NUDT3: variants seen among roughly 807,000 people sequenced by gnomAD.
NUDT3 encodes the protein nudix hydrolase 3, also known as diphosphoinositol polyphosphate phosphohydrolase 1.
In NUDT3, 9 loss-of-function variants were observed where a neutral mutation model predicts 23.6. The observed-to-expected ratio is 0.38, with a 90% CI of 0.23 to 0.66. The LOEUF is 0.66. Among genes scored for constraint, NUDT3 ranks in the 30% least tolerant of loss-of-function variants. The pLI is 0.52. For missense variants in NUDT3, 172 were observed against 218.5 expected, an observed-to-expected ratio of 0.79 and a Z score of 1.34; for synonymous variants, 86 against 82.6, an observed-to-expected ratio of 1.04 and a Z score of -0.22.
chr6:34,297,715 ATG>A (rs1763523422), intron 2 of NUDT3, among the ~76,000 whole-genome samples: 2 of 95,856 alleles, frequency 2.1e-5, no homozygotes, highest in African/African-American at 4.2e-5. Context: ...CACCCGGCTA[ATG>A]TAAAAAAAAA....
chr6:34,320,024 G>A (rs1416845781), intron 2 of NUDT3, among the ~76,000 whole-genome samples: 2 of 152,122 alleles, frequency 1.3e-5, no homozygotes, highest in Non-Finnish European at 2.9e-5. Flanking sequence ...TATCACAACA[G>A]TAAAGAGAAA....
intron 2 of NUDT3, among the ~76,000 whole-genome samples, chr6:34,299,529 A>T (rs1380273027): frequency 6.6e-6 from 1 of 151,368 alleles, no homozygotes; most frequent in Non-Finnish European, 1.5e-5. Context: ...GGCTCAAGTG[A>T]TCCTCCTGTC....
chr6:34,293,362 C>T (rs955058264), intron 4 of NUDT3, 89 bp downstream of exon 4: 100 of 1,488,072 alleles, frequency 6.7e-5, no homozygotes, highest in Non-Finnish European at 8.9e-5. Context: ...GAGCCTGGTA[C>T]GCTCTTGTTT....
chr6:34,306,627 C>A (rs759058233), intron 2 of NUDT3, among the ~76,000 whole-genome samples: 5 of 152,212 alleles, frequency 3.3e-5, no homozygotes, highest in African/African-American at 4.8e-5. Context: ...GGCTCCTGTC[C>A]CAGTAATTCC....
In NUDT3 at chr6:34,284,557, TGAG is replaced by T. The variant is rs1266352045; in HGVS notation, c.*4193_*4195del. On this transcript the variant is annotated 3_prime_UTR_variant, in exon 5 of 5. Coordinates refer to ENST00000607016, the MANE Select transcript of NUDT3 (RefSeq NM_006703.4). ...GTTTTTTTTTTTTTTTTTTTAAAGA[TGAG>T]GATGCGGACTCCAACAAAGGCATTA... is the stretch of plus-strand genomic sequence containing the variant. The T allele has an allele frequency of 6.9e-5, 10 of 144,216 alleles. No homozygotes were observed. Among genetic ancestry groups the T allele is most frequent in the Non-Finnish European group, 1.4e-4 (9 of 65,380 alleles). 8.9% of individuals were successfully genotyped at this position (144,216 alleles called of 1,614,324 possible). A position where few individuals can be genotyped will look rare whatever the true frequency, so the allele number is the denominator to read the frequency against.
chr6:34,339,179 A>T lies in NUDT3; in HGVS notation c.210+2683T>A, dbSNP rs1581875195. Among the ~76,000 whole-genome samples the T allele has an allele frequency of 3.3e-5, 5 of 152,310 alleles. 2 individuals carry two copies. The highest frequency in any genetic ancestry group is 3.3e-4 in the Admixed American group (5 of 15,294). ...CAGATGGGCCTGCTGCTCTCAGAAC[A>T]CGCCCTCCTTGTGACTAAAGCAATC... On this transcript the variant is annotated intron_variant, in intron 2 of 4. Transcript: ENST00000607016.
chr6:34,353,980 G>A (rs1764519370), intron 1 of NUDT3, among the ~76,000 whole-genome samples: 1 of 151,600 alleles, frequency 6.6e-6, no homozygotes, highest in Non-Finnish European at 1.5e-5. Context: ...TCGGCTCACT[G>A]CAACCTCTGC....
intron 1 of NUDT3, among the ~76,000 whole-genome samples, chr6:34,344,560 C>A (rs1236731942): frequency 6.6e-6 from 1 of 152,152 alleles, no homozygotes; most frequent in Non-Finnish European, 1.5e-5. Context: ...GGAAAATGAG[C>A]AGCAACTGCA....
At chr6:34,385,029 CAA>C (rs55719137) in intron 1 of NUDT3, among the ~76,000 whole-genome samples, 32,979 of 110,710 alleles carry the variant, frequency 0.3, 5,745 homozygotes, top group African/African-American at 0.53. Flanking sequence ...ACCCTGCCTC[CAA>C]AAAAAAAAAA....
rs188508166 is a variant in NUDT3 at position 34,304,208 on chromosome 6, G to A, written c.211-8523C>T. Among the ~76,000 whole-genome samples the A allele has an allele frequency of 3.7e-3, 533 of 145,962 alleles. 5 individuals carry two copies. Among genetic ancestry groups the A allele is most frequent in the Admixed American group, 8.0e-3 (113 of 14,128 alleles). On this transcript the variant is annotated intron_variant, in intron 2 of 4. Coordinates refer to ENST00000607016, the MANE Select transcript of NUDT3 (RefSeq NM_006703.4). ...GCAGAGGTTGCAGTGAGCTGATTAC[G>A]CCACTGTACTCCAGCCTGGGTGACA...
chr6:34,389,641 C>T (rs1765162946), intron 1 of NUDT3, among the ~76,000 whole-genome samples: 1 of 151,578 alleles, frequency 6.6e-6, no homozygotes, highest in Admixed American at 6.6e-5. Flanking sequence ...CTGGGTGACA[C>T]AGTAAGACCC....
intron 2 of NUDT3, among the ~76,000 whole-genome samples, chr6:34,313,917 G>T (rs373923731): frequency 6.6e-6 from 1 of 151,652 alleles, no homozygotes; most frequent in Non-Finnish European, 1.5e-5. Flanking sequence ...GACCAACATG[G>T]AGAAACCCCG....
At chr6:34,322,194 C>A (rs1350832280) in intron 2 of NUDT3, among the ~76,000 whole-genome samples, 2 of 151,474 alleles carry the variant, frequency 1.3e-5, no homozygotes, top group Non-Finnish European at 2.9e-5. Flanking sequence ...TCAAACAAAA[C>A]CAGGATGTGA....
chr6:34,343,199 A>T (rs1345813289), intron 1 of NUDT3, among the ~76,000 whole-genome samples: 1 of 152,122 alleles, frequency 6.6e-6, no homozygotes, highest in Non-Finnish European at 1.5e-5. Context: ...GAAATAATTT[A>T]AAATACTATG....
intron 2 of NUDT3, among the ~76,000 whole-genome samples, chr6:34,327,528 C>CAA (rs60757572): frequency 8.3e-4 from 78 of 94,096 alleles, no homozygotes; most frequent in South Asian, 6.9e-3. Context: ...GACTCCGCCT[C>CAA]AAAAAAAAAA....
intron 1 of NUDT3, among the ~76,000 whole-genome samples, chr6:34,366,110 T>C (rs1468152778): frequency 1.3e-5 from 2 of 151,202 alleles, no homozygotes; most frequent in African/African-American, 2.4e-5. Context: ...CTCACACCTG[T>C]AATCCTAGCA....
At chr6:34,361,583 T>C (rs182493822) in intron 1 of NUDT3, among the ~76,000 whole-genome samples, 35 of 152,352 alleles carry the variant, frequency 2.3e-4, no homozygotes, top group African/African-American at 6.7e-4. Context: ...TGTATGTTTA[T>C]AGCAGCTTTA....
At chr6:34,327,833 G>A (rs547235556) in intron 2 of NUDT3, among the ~76,000 whole-genome samples, 5 of 152,226 alleles carry the variant, frequency 3.3e-5, no homozygotes, top group South Asian at 2.1e-4. Context: ...CTTCCCAGGC[G>A]CTGGCATTAC....
intron 1 of NUDT3, among the ~76,000 whole-genome samples, chr6:34,381,751 T>C (rs995750996): frequency 6.6e-6 from 1 of 152,066 alleles, no homozygotes; most frequent in East Asian, 1.9e-4. Context: ...AGCAATCAAA[T>C]CATTTCTGCA....
Sources: allele counts gnomAD v4.1 joint callset (sites outside exome capture counted in the v4.1 genomes callset), GRCh38; gene constraint gnomAD v4.1.1; transcripts MANE v1.5; gene names NCBI Gene and HGNC (gene_info 2026-07-23, HGNC 2026-07-21).